The following LYST variants were observed in gnomAD, a reference collection of about 807,000 sequenced individuals.
LYST encodes the protein lysosomal trafficking regulator.
A neutral mutation model predicts 413.6 loss-of-function variants in LYST; 192 were observed. The observed-to-expected ratio is 0.46, with a 90% CI of 0.41 to 0.52. The LOEUF (loss-of-function observed/expected upper bound fraction) is 0.52. Ranked by LOEUF, LYST falls within the 20% of genes least tolerant of loss-of-function variation. The probability of loss-of-function intolerance (pLI) is 0.00; values close to 1 mark genes in which losing one functional copy is unlikely to be tolerated. For missense variants in LYST, 3,815 were observed against 4,499.9 expected, an observed-to-expected ratio of 0.85 and a Z score of 4.35; for synonymous variants, 1,525 against 1,567.3, an observed-to-expected ratio of 0.97 and a Z score of 0.64.
At chr1:235,793,055 T>C (rs1354031482) in intron 11 of LYST, among the ~76,000 whole-genome samples, 5 of 152,166 alleles carry the variant, frequency 3.3e-5, no homozygotes, top group Non-Finnish European at 5.9e-5. Context: ...GGTTTCATTA[T>C]AAAAATGGGT....
chr1:235,677,327 T>G, intron 49 of LYST, 139 bp from the exon 50 acceptor site: 1 of 1,068,944 alleles, frequency 9.4e-7, no homozygotes, highest in South Asian at 1.3e-5. Context: ...ATGACTTCAA[T>G]AAAATATAAT....
At chr1:235,728,581 T>A (rs1664098775) in intron 37 of LYST, among the ~76,000 whole-genome samples, 2 of 152,188 alleles carry the variant, frequency 1.3e-5, no homozygotes, top group Non-Finnish European at 2.9e-5. Flanking sequence ...AGACACTCAA[T>A]AGGGTAGAGT....
chr1:235,694,174 T>A (rs1660902961), intron 46 of LYST, among the ~76,000 whole-genome samples: 1 of 151,868 alleles, frequency 6.6e-6, no homozygotes, highest in Non-Finnish European at 1.5e-5. Context: ...CATGCCCGGC[T>A]GATTTTTTTT....
chr1:235,829,207 A>G (rs1245589923), intron 3 of LYST, among the ~76,000 whole-genome samples: 2 of 152,218 alleles, frequency 1.3e-5, no homozygotes, highest in East Asian at 3.8e-4. Flanking sequence ...TGTGTCTCAA[A>G]AAAAACCATA....
chr1:235,759,058 A>G lies in LYST; in HGVS notation c.6795T>C (p.Leu2265=), dbSNP rs1299031075. 6.2e-7 allele frequency: 1 copy of G among 1,614,138 alleles called. No individual in the cohort carries two copies. The highest frequency in any genetic ancestry group is 1.1e-5 in the South Asian group (1 of 91,086). The change falls in exon 23 of 53, where the codon CTT becomes CTC. Residue 2265 remains leucine (L), a synonymous_variant. Coordinates refer to ENST00000389793, the MANE Select transcript of LYST (RefSeq NM_000081.4). ...GSAAVGRWPS[L]VDRNTDDWEN... ...CCCAATCATCAGTGTTTCTATCAAC[A>G]AGACTTGGCCAACGGCCAACAGCTG...
At chr1:235,665,401 G>A (rs1356840160) in intron 50 of LYST, among the ~76,000 whole-genome samples, 1 of 151,924 alleles carries the variant, frequency 6.6e-6, no homozygotes, top group African/African-American at 2.4e-5. Flanking sequence ...CCTGAAGTCA[G>A]GAGTTCGAGA....
intron 1 of LYST, among the ~76,000 whole-genome samples, chr1:235,856,618 C>G (rs992081998): frequency 6.6e-6 from 1 of 152,098 alleles, no homozygotes; most frequent in Middle Eastern, 3.2e-3. Context: ...AACTGCCTTA[C>G]TGGGTTCTGT....
At chr1:235,675,874 C>A (rs1163517080) in intron 50 of LYST, among the ~76,000 whole-genome samples, 1 of 151,982 alleles carries the variant, frequency 6.6e-6, no homozygotes, top group African/African-American at 2.4e-5. Flanking sequence ...ACTGGTTAGT[C>A]TCTGGAAAAA....
intron 22 of LYST, among the ~76,000 whole-genome samples, chr1:235,761,980 G>T (rs954346537): frequency 8.1e-6 from 1 of 123,654 alleles, no homozygotes; most frequent in Non-Finnish European, 1.7e-5. Context: ...TTGTCGGGTG[G>T]GGGGAGGGGG....
In LYST at chr1:235,670,051, T is replaced by G. The variant is rs139159733; in HGVS notation, c.11039-5430A>C. 5.2e-3 allele frequency among the ~76,000 whole-genome samples: 799 copies of G among 152,332 alleles called. 7 individuals carry two copies. The highest frequency in any genetic ancestry group is 0.018 in the African/African-American group (764 of 41,580). ...TCAAAGCTCCCTTGGTCTTTCTTGC[T>G]CTGTACACAGGCCCCACCCCTTGCT... is the stretch of plus-strand genomic sequence containing the variant. On this transcript the variant is annotated intron_variant, in intron 50 of 52. Coordinates refer to ENST00000389793, the MANE Select transcript of LYST (RefSeq NM_000081.4).
chr1:235,760,258 C>T (rs1243411073), intron 22 of LYST, among the ~76,000 whole-genome samples: 1 of 152,042 alleles, frequency 6.6e-6, no homozygotes, highest in Admixed American at 6.6e-5. Context: ...ATCTACTTTG[C>T]AGGGTGGCTT....
At chr1:235,769,146 G>T (rs2103410401) in intron 20 of LYST, among the ~76,000 whole-genome samples, 1 of 152,170 alleles carries the variant, frequency 6.6e-6, no homozygotes, top group East Asian at 1.9e-4. Context: ...TAATTTATAT[G>T]GAAAGGGCAG....
chr1:235,793,660 G>T, intron 10 of LYST, 48 bp from the exon 11 acceptor site: 1 of 955,156 alleles, frequency 1.0e-6, no homozygotes, highest in Non-Finnish European at 1.7e-6. Flanking sequence ...CACAATTAGA[G>T]GAATAAATGA....
intron 20 of LYST, among the ~76,000 whole-genome samples, chr1:235,767,862 C>A (rs955704658): frequency 1.3e-5 from 2 of 152,088 alleles, no homozygotes; most frequent in African/African-American, 4.8e-5. Context: ...CCTACATTTT[C>A]TCTGAACTTT....
At chr1:235,718,416 C>T (rs143828167) in intron 40 of LYST, among the ~76,000 whole-genome samples, 53 of 151,354 alleles carry the variant, frequency 3.5e-4, no homozygotes, top group African/African-American at 1.2e-3. Context: ...GATCTCAGCT[C>T]ACTGCAACCT....
chr1:235,841,988 G>A (rs988238548), intron 1 of LYST, among the ~76,000 whole-genome samples: 1 of 152,292 alleles, frequency 6.6e-6, no homozygotes, highest in Non-Finnish European at 1.5e-5. Context: ...TAGCTTAGCA[G>A]AGGTGGAAAA....
At chr1:235,811,897 A>T (rs1455185078) in intron 4 of LYST, among the ~76,000 whole-genome samples, 1 of 152,180 alleles carries the variant, frequency 6.6e-6, no homozygotes, top group Non-Finnish European at 1.5e-5. Flanking sequence ...AAAAGCAGAG[A>T]GTTAGTGAAT....
chr1:235,803,348 T>C (rs913818103), intron 7 of LYST, among the ~76,000 whole-genome samples: 4 of 152,100 alleles, frequency 2.6e-5, no homozygotes, highest in Non-Finnish European at 5.9e-5. Context: ...AGTTATACAA[T>C]TGGAAATGAC....
intron 39 of LYST, among the ~76,000 whole-genome samples, chr1:235,721,510 TA>T (rs1341047684): frequency 6.6e-6 from 1 of 152,030 alleles, no homozygotes; most frequent in Non-Finnish European, 1.5e-5. Flanking sequence ...TGATTGCTAA[TA>T]AATGAAAAAA....
Sources: gnomAD v4.1 joint callset for allele counts (sites outside exome capture counted in the v4.1 genomes callset) on GRCh38, gnomAD v4.1.1 for gene constraint, MANE v1.5 for transcripts, NCBI Gene and HGNC (gene_info 2026-07-23, HGNC 2026-07-21) for gene names.